The following FCGR2B variants were observed in gnomAD, a reference collection of about 807,000 sequenced individuals.
The protein encoded by FCGR2B is Fc gamma receptor IIb.
A neutral mutation model predicts 24.8 loss-of-function variants in FCGR2B; 18 were observed. The ratio of observed to expected loss-of-function variants is 0.73; its 90% confidence interval spans 0.50 to 1.08. The LOEUF (loss-of-function observed/expected upper bound fraction) is 1.08, where lower values mean the gene tolerates loss of function less well. Among genes scored for constraint, FCGR2B ranks in the 50% least tolerant of loss-of-function variants. FCGR2B has a pLI of 0.00. For missense variants in FCGR2B, 215 were observed against 297.6 expected (o/e 0.72, Z 2.04); for synonymous variants, 79 against 109.8 (o/e 0.72, Z 1.75).
At chr1:161,677,412 T>C (rs1682241188) in intron 7 of FCGR2B, 47 bp downstream of exon 7, 1 of 1,610,754 alleles carries the variant, frequency 6.2e-7, no homozygotes, top group African/African-American at 1.3e-5. Flanking sequence ...CTGTTGCCTT[T>C]TCTGTTGCCT....
chr1:161,649,221 T>C, the FCGR2B span, among the ~76,000 whole-genome samples: 1 of 150,480 alleles, frequency 6.6e-6, no homozygotes, highest in African/African-American at 2.5e-5. Flanking sequence ...GCAGTTAGTG[T>C]CAAAGGAAGA....
At chr1:161,656,042 A>C in the FCGR2B span, among the ~76,000 whole-genome samples, 27,177 of 124,400 alleles carry the variant, frequency 0.22, 3,801 homozygotes, top group Middle Eastern at 0.3. Flanking sequence ...TTTTTAGTAG[A>C]GATGGGGTTT....
At chr1:161,648,718 T>C in the FCGR2B span, among the ~76,000 whole-genome samples, 2 of 150,800 alleles carry the variant, frequency 1.3e-5, no homozygotes, top group Non-Finnish European at 1.5e-5. Flanking sequence ...GAGGCAGAGT[T>C]TTGCTCTGTC....
intron 1 of FCGR2B, among the ~76,000 whole-genome samples, chr1:161,669,509 G>A (rs1471316466): frequency 7.0e-6 from 1 of 142,824 alleles, no homozygotes; most frequent in Non-Finnish European, 1.6e-5. Context: ...GGCGGAGGTT[G>A]CAGTGAGCCA....
In FCGR2B at chr1:161,677,710, G is replaced by A. The variant is rs775803281; in HGVS notation, c.*157G>A. 7 of 616,186 alleles carry A rather than the reference G, an allele frequency of 1.1e-5. No homozygotes were observed. Among genetic ancestry groups the A allele is most frequent in the African/African-American group, 1.9e-5 (1 of 53,828 alleles). 38.2% of individuals were successfully genotyped at this position (616,186 alleles called of 1,614,324 possible). A position where few individuals can be genotyped will look rare whatever the true frequency, so the allele number is the denominator to read the frequency against. On this transcript the variant is annotated 3_prime_UTR_variant, in exon 8 of 8. Transcript: ENST00000358671. Reference sequence around the variant, plus strand: ...ATCTACCTGAGTCCTGAAGCTCCCTGTCCTGAAAGCCACAGACAATATGGT... The same window carrying A: ...ATCTACCTGAGTCCTGAAGCTCCCTATCCTGAAAGCCACAGACAATATGGT...
intron 5 of FCGR2B, chr1:161,675,035 C>T (rs1571030683): frequency 2.0e-6 from 1 of 512,414 alleles, no homozygotes; most frequent in Non-Finnish European, 3.5e-6. Context: ...GACTTTCTGA[C>T]ACTCCTGGGC....
Position 161,671,443 on chromosome 1 carries a change from T to A in FCGR2B, c.185T>A (p.Leu62His). ...CTCGAGCCCCAGTGGATCAACGTGC[T>A]CCAGGAGGACTCTGTGACTCTGACA... Reference protein sequence around the residue: ...LKLEPQWINVLQEDSVTLTCR... With the variant: ...LKLEPQWINVHQEDSVTLTCR... Residue 62 changes from leucine (L) to histidine (H), a missense_variant, in exon 3 of 8, where the codon CTC becomes CAC. Leu to His is a moderately conservative substitution (Grantham distance 99). Transcript: ENST00000358671. 6.2e-7 allele frequency: 1 copy of A among 1,614,194 alleles called. No individual in the cohort carries two copies. Among genetic ancestry groups the A allele is most frequent in the Non-Finnish European group, 8.5e-7 (1 of 1,180,040 alleles).
At chr1:161,675,509 G>A (rs1294881066) in intron 6 of FCGR2B, 196 bp downstream of exon 6, 2 of 469,896 alleles carry the variant, frequency 4.3e-6, no homozygotes, top group Admixed American at 4.3e-5. Flanking sequence ...CTCTGGAGAT[G>A]AGAAGAGAAA....
chr1:161,677,662 A>T lies in FCGR2B; in HGVS notation c.*109A>T. Reference sequence around the variant, plus strand: ...GGACAGGGAGATGCTGCAGTTCCAAAAGAGAAGGTTTCTTCCAGAGTCATC... The same window carrying T: ...GGACAGGGAGATGCTGCAGTTCCAATAGAGAAGGTTTCTTCCAGAGTCATC... On this transcript the variant is annotated 3_prime_UTR_variant, in exon 8 of 8. Transcript: ENST00000358671. 1 of 856,602 alleles carries T rather than the reference A, an allele frequency of 1.2e-6. No individual in the cohort carries two copies. The highest frequency in any genetic ancestry group is 1.9e-6 in the Non-Finnish European group (1 of 533,884). The allele number at this position is 856,602 out of a possible 1,614,324, so 53.1% of individuals were successfully genotyped here.
intron 1 of FCGR2B, among the ~76,000 whole-genome samples, chr1:161,669,164 C>A (rs1347839101): frequency 7.0e-6 from 1 of 141,936 alleles, no homozygotes; most frequent in African/African-American, 2.5e-5. Flanking sequence ...TCTCTTCTTC[C>A]TTTTATCAGA....
At position 161,678,604 on chromosome 1, in the gene FCGR2B, G is replaced by A. The variant is rs954531009; in HGVS notation, c.*1051G>A. 2 of 208,292 alleles carry A rather than the reference G, an allele frequency of 9.6e-6. No homozygotes were observed. Among genetic ancestry groups the A allele is most frequent in the African/African-American group, 4.6e-5 (2 of 43,916 alleles). The allele number at this position is 208,292 out of a possible 1,614,324, so 12.9% of individuals were successfully genotyped here. On this transcript the variant is annotated 3_prime_UTR_variant, in exon 8 of 8. Transcript: ENST00000358671. ...AATGACCTTGTATTCTTGTTTCCAT[G>A]TCTTCTTCTCTTTCCTCCTATGGCA...
the FCGR2B span, among the ~76,000 whole-genome samples, chr1:161,652,536 A>C: frequency 7.4e-6 from 1 of 134,710 alleles, no homozygotes; most frequent in African/African-American, 2.6e-5. Context: ...AGCCTTTAAC[A>C]TGTTAAGTAT....
chr1:161,673,488 A>C (rs746452123), intron 4 of FCGR2B: 100 of 724,884 alleles, frequency 1.4e-4, no homozygotes, highest in Non-Finnish European at 7.9e-5. Flanking sequence ...ACGGCAGCGA[A>C]GCAGAGCTCC....
intron 3 of FCGR2B, chr1:161,672,457 A>C (rs1163976583): frequency 5.7e-6 from 1 of 174,916 alleles, no homozygotes; most frequent in African/African-American, 2.4e-5. Context: ...CACATTTATT[A>C]ACATTCCCGA....
At chr1:161,647,584 T>C in the FCGR2B span, among the ~76,000 whole-genome samples, 1 of 150,650 alleles carries the variant, frequency 6.6e-6, no homozygotes, top group South Asian at 2.1e-4. Context: ...GCATTAGAGG[T>C]GTGAGCCACT....
At position 161,668,950 on chromosome 1, in the gene FCGR2B, G is replaced by GACAC. The variant is rs937414728; in HGVS notation, c.113-1292_113-1289dup. Among the ~76,000 whole-genome samples the GACAC allele has an allele frequency of 2.9e-5, 3 of 104,054 alleles. No homozygotes were observed. In the South Asian group the frequency reaches 1.2e-3, roughly 41 times the overall value. 68.3% of individuals were successfully genotyped at this position (104,054 alleles called of 152,430 possible). ...GAAAACCTTCACCCATGGACAGATG[G>GACAC]ACACACACACACATACACACACACA... is the stretch of plus-strand genomic sequence containing the variant. On this transcript the variant is annotated intron_variant, in intron 1 of 7. Coordinates refer to ENST00000358671, the MANE Select transcript of FCGR2B (RefSeq NM_001394477.1).
chr1:161,676,303 G>A (rs1682125188), intron 6 of FCGR2B: 1 of 201,774 alleles, frequency 5.0e-6, no homozygotes, highest in South Asian at 1.9e-4. Flanking sequence ...CACTTGTTCA[G>A]CTGTGCTTGC....
the FCGR2B span, among the ~76,000 whole-genome samples, chr1:161,652,053 T>A: frequency 8.2e-6 from 1 of 122,576 alleles, no homozygotes. Context: ...GGAGTGTGTG[T>A]GTGTGTGTGT....
At chr1:161,653,979 C>T in the FCGR2B span, among the ~76,000 whole-genome samples, 6 of 130,882 alleles carry the variant, frequency 4.6e-5, no homozygotes, top group Non-Finnish European at 7.1e-5. Flanking sequence ...GTAATTTCAT[C>T]CCCAGCCAAT....
Sources: gnomAD v4.1 joint callset for allele counts (sites outside exome capture counted in the v4.1 genomes callset) on GRCh38, gnomAD v4.1.1 for gene constraint, MANE v1.5 for transcripts, NCBI Gene and HGNC (gene_info 2026-07-23, HGNC 2026-07-21) for gene names.